Variants in SEMA3E observed in about 807,000 individuals in gnomAD.
SEMA3E encodes the protein semaphorin 3E.
A neutral mutation model predicts 93.6 loss-of-function variants in SEMA3E; 49 were observed. The ratio of observed to expected loss-of-function variants is 0.52; its 90% CI spans 0.42 to 0.66. SEMA3E has a LOEUF of 0.66. SEMA3E is among the 30% of genes least tolerant of loss of function. SEMA3E has a pLI of 0.00. For synonymous variants in SEMA3E, 363 were observed against 330.7 expected, an observed-to-expected ratio of 1.10 and a Z score of -1.06; for missense variants, 906 against 964.8, an observed-to-expected ratio of 0.94 and a Z score of 0.81.
intron 1 of SEMA3E, among the ~76,000 whole-genome samples, chr7:83,580,911 TTC>T: frequency 6.6e-6 from 1 of 152,010 alleles, no homozygotes; most frequent in Non-Finnish European, 1.5e-5. Context: ...ATATGTTGAA[TTC>T]TGTGTCAAAA....
chr7:83,469,016 T>C (rs1789835157), intron 3 of SEMA3E, among the ~76,000 whole-genome samples: 1 of 152,142 alleles, frequency 6.6e-6, no homozygotes, highest in African/African-American at 2.4e-5. Context: ...GATTAAGATA[T>C]TAGAAAACAA....
At chr7:83,403,311 T>G (rs756885604) in intron 9 of SEMA3E, among the ~76,000 whole-genome samples, 2 of 152,064 alleles carry the variant, frequency 1.3e-5, no homozygotes, top group East Asian at 3.9e-4. Flanking sequence ...CGGGGGTTCA[T>G]GTAAACTTTA....
chr7:83,547,544 C>T (rs1246019389), intron 1 of SEMA3E, among the ~76,000 whole-genome samples: 2 of 152,068 alleles, frequency 1.3e-5, no homozygotes, highest in South Asian at 2.1e-4. Context: ...GAAGGTAACT[C>T]GTGGTAGTTT....
chr7:83,562,080 T>C (rs1199623323), intron 1 of SEMA3E, among the ~76,000 whole-genome samples: 1 of 152,178 alleles, frequency 6.6e-6, no homozygotes, highest in Non-Finnish European at 1.5e-5. Flanking sequence ...GTCTGACATT[T>C]TAGTTCAATT....
intron 1 of SEMA3E, among the ~76,000 whole-genome samples, chr7:83,562,659 G>A (rs1193663384): frequency 6.6e-6 from 1 of 151,982 alleles, no homozygotes; most frequent in Admixed American, 6.6e-5. Flanking sequence ...CTGTTCCTCT[G>A]TGGCAGAGGA....
chr7:83,445,710 C>G (rs754547043), intron 4 of SEMA3E, among the ~76,000 whole-genome samples: 7 of 151,810 alleles, frequency 4.6e-5, no homozygotes, highest in Non-Finnish European at 7.4e-5. Context: ...AAGAGTGAGA[C>G]TTCATCTCAA....
chr7:83,475,173 T>A (rs1789984217), intron 2 of SEMA3E, among the ~76,000 whole-genome samples: 1 of 152,060 alleles, frequency 6.6e-6, no homozygotes, highest in Admixed American at 6.6e-5. Flanking sequence ...TTTTACAATA[T>A]TAGCATCCCT....
In SEMA3E at chr7:83,613,531, C is replaced by T. The variant is rs77609574; in HGVS notation, c.115+34897G>A. 3.3e-5 allele frequency among the ~76,000 whole-genome samples: 5 copies of T among 152,070 alleles called. No homozygotes were observed. In the East Asian group the frequency reaches 7.7e-4, roughly 24 times the overall value. On this transcript the variant is annotated intron_variant, in intron 1 of 16. Transcript: ENST00000643230. ...TTTACCATTTGCATAAAGAAATGGG[C>T]CTACTCTAATATAATCTAAAACCAG...
chr7:83,617,156 T>C (rs1048313877), intron 1 of SEMA3E, among the ~76,000 whole-genome samples: 1 of 152,102 alleles, frequency 6.6e-6, no homozygotes, highest in South Asian at 2.1e-4. Flanking sequence ...TAATTTAAAA[T>C]GTTTTGTAGC....
intron 1 of SEMA3E, among the ~76,000 whole-genome samples, chr7:83,522,738 A>AT (rs1008746668): frequency 3.3e-5 from 5 of 152,088 alleles, no homozygotes; most frequent in African/African-American, 1.2e-4. Context: ...AAATGTTACC[A>AT]TTTTTTAGTA....
intron 4 of SEMA3E, among the ~76,000 whole-genome samples, chr7:83,458,013 G>A (rs1049209276): frequency 2.0e-5 from 3 of 151,284 alleles, no homozygotes; most frequent in African/African-American, 4.9e-5. Flanking sequence ...TTTTATTATC[G>A]GATGGTCACC....
chr7:83,477,127 T>G (rs1040815929), intron 2 of SEMA3E, among the ~76,000 whole-genome samples: 3 of 152,178 alleles, frequency 2.0e-5, no homozygotes, highest in Non-Finnish European at 4.4e-5. Flanking sequence ...GCAAACAAAC[T>G]AACGAATATG....
At chr7:83,605,530 A>C (rs1793097047) in intron 1 of SEMA3E, among the ~76,000 whole-genome samples, 1 of 151,858 alleles carries the variant, frequency 6.6e-6, no homozygotes, top group African/African-American at 2.4e-5. Context: ...TCCCAGGATC[A>C]AGCGATTATC....
At chr7:83,592,127 C>A (rs1792767928) in intron 1 of SEMA3E, among the ~76,000 whole-genome samples, 1 of 151,862 alleles carries the variant, frequency 6.6e-6, no homozygotes, top group Admixed American at 6.6e-5. Context: ...TGAAAAAATT[C>A]TTTACCATAA....
At chr7:83,462,093 C>G (rs1274198253) in intron 4 of SEMA3E, 1 of 152,300 alleles carries the variant, frequency 6.6e-6, no homozygotes, top group African/African-American at 2.4e-5. Flanking sequence ...CCAAGGCTCT[C>G]TGACTCCTTC....
At chr7:83,463,298 A>G (rs1452930365) in intron 4 of SEMA3E, among the ~76,000 whole-genome samples, 1 of 151,932 alleles carries the variant, frequency 6.6e-6, no homozygotes, top group Non-Finnish European at 1.5e-5. Flanking sequence ...CCTAGCCATC[A>G]TGTCTGGGTG....
chr7:83,560,296 C>T (rs550932557), intron 1 of SEMA3E, among the ~76,000 whole-genome samples: 10 of 152,060 alleles, frequency 6.6e-5, no homozygotes, highest in South Asian at 4.1e-4. Flanking sequence ...ATTGATAAGA[C>T]GGGAGGCTAC....
intron 12 of SEMA3E, among the ~76,000 whole-genome samples, chr7:83,394,911 T>C (rs1334679518): frequency 6.6e-6 from 1 of 152,100 alleles, no homozygotes; most frequent in Non-Finnish European, 1.5e-5. Flanking sequence ...AACCAACATG[T>C]TGTTTTTGGA....
chr7:83,375,568 T>C (rs966822071), intron 16 of SEMA3E, among the ~76,000 whole-genome samples: 20 of 152,174 alleles, frequency 1.3e-4, no homozygotes, highest in African/African-American at 4.6e-4. Flanking sequence ...CCATATAAAT[T>C]ATAATTTATA....
Sources: allele counts gnomAD v4.1 joint callset (sites outside exome capture counted in the v4.1 genomes callset), GRCh38; gene constraint gnomAD v4.1.1; transcripts MANE v1.5; gene names NCBI Gene and HGNC (gene_info 2026-07-23, HGNC 2026-07-21).